The following MCMBP variants were observed in gnomAD, a reference collection of about 807,000 sequenced individuals.
MCMBP encodes the protein minichromosome maintenance complex binding protein, also known as mini-chromosome maintenance complex-binding protein.
A neutral mutation model predicts 81.3 loss-of-function variants in MCMBP; 31 were observed. That is an observed-to-expected ratio of 0.38 (90% confidence interval 0.29 to 0.51). MCMBP has a LOEUF of 0.51. Among genes scored for constraint, MCMBP ranks in the 20% least tolerant of loss-of-function variants. The pLI is 0.87. For synonymous variants in MCMBP, 267 were observed against 275.9 expected, an observed-to-expected ratio of 0.97 and a Z score of 0.32; for missense variants, 645 against 772.1, an observed-to-expected ratio of 0.84 and a Z score of 1.95.
chr10:119,872,731 G>T lies in MCMBP; in HGVS notation c.-147C>A. 1 of 240,882 alleles carries T rather than the reference G, an allele frequency of 4.2e-6. No homozygotes were observed. Among genetic ancestry groups the T allele is most frequent in the Non-Finnish European group, 7.2e-6 (1 of 138,516 alleles). The allele number at this position is 240,882 out of a possible 1,614,324, so 14.9% of individuals were successfully genotyped here. A position where few individuals can be genotyped will look rare whatever the true frequency, so the allele number is the denominator to read the frequency against. On this transcript the variant is annotated 5_prime_UTR_variant, in exon 1 of 16. Transcript: ENST00000369077. Reference sequence around the variant, plus strand: ...CGCCCTCCCACGCACAGCGAGCCGCGGGGCGCGGGCCTCCCGCGCCTCAGG... The same window carrying T: ...CGCCCTCCCACGCACAGCGAGCCGCTGGGCGCGGGCCTCCCGCGCCTCAGG...
chr10:119,834,981 A>T (rs1429040266), intron 14 of MCMBP, among the ~76,000 whole-genome samples: 2 of 151,956 alleles, frequency 1.3e-5, no homozygotes, highest in African/African-American at 4.8e-5. Flanking sequence ...AACCCACATG[A>T]GGAAATAAAG....
intron 14 of MCMBP, among the ~76,000 whole-genome samples, chr10:119,833,184 G>C (rs1852107719): frequency 6.6e-6 from 1 of 152,146 alleles, no homozygotes; most frequent in Non-Finnish European, 1.5e-5. Context: ...ACAGAGCAGA[G>C]ACTTCAGTGC....
intron 1 of MCMBP, 34 bp downstream of exon 1, chr10:119,872,493 C>T (rs1485222955): frequency 7.3e-6 from 7 of 962,006 alleles, no homozygotes; most frequent in South Asian, 4.8e-5. Context: ...AACTCGGCTG[C>T]CCGCCCGGCC....
chr10:119,860,904 T>A (rs1281200677), intron 1 of MCMBP, among the ~76,000 whole-genome samples: 1 of 152,242 alleles, frequency 6.6e-6, no homozygotes, highest in Non-Finnish European at 1.5e-5. Context: ...TCATTGGTGA[T>A]GTTAATTTTG....
chr10:119,873,547 A>C (rs1425979562), upstream of MCMBP: 1 of 152,242 alleles, frequency 6.6e-6, no homozygotes, highest in East Asian at 1.9e-4. Context: ...AGGCTCCTGC[A>C]CTGCGCGCCG....
intron 10 of MCMBP, 113 bp downstream of exon 10, chr10:119,842,359 C>G: frequency 8.2e-7 from 1 of 1,212,288 alleles, no homozygotes; most frequent in Non-Finnish European, 1.2e-6. Context: ...CAGATAAAAA[C>G]CATGTGATGA....
At chr10:119,853,454 A>G (rs1478148262) in intron 5 of MCMBP, among the ~76,000 whole-genome samples, 3 of 152,242 alleles carry the variant, frequency 2.0e-5, no homozygotes, top group Non-Finnish European at 4.4e-5. Flanking sequence ...AACAGGGAGC[A>G]TAAGGTTATG....
chr10:119,853,341 TG>T, intron 5 of MCMBP, 147 bp from the exon 6 acceptor site: 2 of 769,074 alleles, frequency 2.6e-6, no homozygotes, highest in South Asian at 3.8e-5. Flanking sequence ...CTTCCAGTTC[TG>T]GTCATGAGAA....
At position 119,835,586 on chromosome 10, in the gene MCMBP, G is replaced by A. The variant is rs1852211939; in HGVS notation, c.1661C>T (p.Thr554Ile). 1.2e-6 allele frequency: 2 copies of A among 1,614,030 alleles called. No individual in the cohort carries two copies. Among genetic ancestry groups the A allele is most frequent in the Non-Finnish European group, 1.7e-6 (2 of 1,179,994 alleles). The change falls in exon 14 of 16, where the codon ACT (threonine) becomes ATT (isoleucine). Residue 554 changes from threonine (T) to isoleucine (I), a missense_variant. Thr to Ile is a moderately conservative substitution (Grantham distance 89). Coordinates refer to ENST00000369077, the MANE Select transcript of MCMBP (RefSeq NM_001256378.2). ...GCTATATTCCAAGAATCTCAAAAGA[G>A]TTAGATAAATGCGGAATTTGTTCAG... ...SVLNKFRIYL[T>I]LLRFLEYSIS...
intron 12 of MCMBP, 94 bp from the exon 13 acceptor site, chr10:119,837,123 C>T: frequency 7.5e-7 from 1 of 1,326,878 alleles, no homozygotes; most frequent in Non-Finnish European, 1.0e-6. Flanking sequence ...GAAGTTTCTA[C>T]CACTTTTAAT....
At chr10:119,844,386 A>G (rs1852546091) in intron 8 of MCMBP, among the ~76,000 whole-genome samples, 1 of 152,356 alleles carries the variant, frequency 6.6e-6, no homozygotes, top group South Asian at 2.1e-4. Flanking sequence ...TAATACAAGC[A>G]TAATAACCTT....
At chr10:119,844,781 C>T (rs528094308) in intron 8 of MCMBP, among the ~76,000 whole-genome samples, 4 of 149,168 alleles carry the variant, frequency 2.7e-5, no homozygotes, top group African/African-American at 7.8e-5. Flanking sequence ...CTGAGTCTTC[C>T]GCCTCCACCT....
At chr10:119,865,460 T>C (rs61869121) in intron 1 of MCMBP, among the ~76,000 whole-genome samples, 24,870 of 152,134 alleles carry the variant, frequency 0.16, 2,223 homozygotes, top group South Asian at 0.44. Flanking sequence ...GGCTTGCTGG[T>C]GGTACCTGTA....
intron 1 of MCMBP, among the ~76,000 whole-genome samples, chr10:119,865,311 G>A (rs1196900287): frequency 6.6e-5 from 10 of 152,086 alleles, no homozygotes. Context: ...AACATTTTAG[G>A]CCAGGCGTAG....
At chr10:119,837,738 T>A (rs1254562132) in intron 12 of MCMBP, among the ~76,000 whole-genome samples, 1 of 151,930 alleles carries the variant, frequency 6.6e-6, no homozygotes. Context: ...GAGCCAAGAT[T>A]GGCCACTGCA....
intron 7 of MCMBP, among the ~76,000 whole-genome samples, chr10:119,848,168 A>T (rs975262361): frequency 1.1e-5 from 1 of 89,660 alleles, no homozygotes; most frequent in East Asian, 3.9e-4. Context: ...TCACAATTTA[A>T]AAAAAAAAAA....
rs767175708 is a variant in MCMBP at position 119,830,388 on chromosome 10, A to G, written c.*1086T>C. Reference sequence around the variant, plus strand: ...AAACTAATTGGTCTGGAGAAAACCTACCTGCAGTTGTACGAGGCTGTTACT... The same window carrying G: ...AAACTAATTGGTCTGGAGAAAACCTGCCTGCAGTTGTACGAGGCTGTTACT... On this transcript the variant is annotated 3_prime_UTR_variant, in exon 16 of 16. Coordinates refer to ENST00000369077, the MANE Select transcript of MCMBP (RefSeq NM_001256378.2). The G allele has an allele frequency of 4.6e-5, 7 of 152,206 alleles. No individual in the cohort carries two copies. Among genetic ancestry groups the G allele is most frequent in the Non-Finnish European group, 8.8e-5 (6 of 68,038 alleles). The allele number at this position is 152,206 out of a possible 1,614,324, so 9.4% of individuals were successfully genotyped here.
At chr10:119,856,086 G>A (rs901183188) in intron 5 of MCMBP, among the ~76,000 whole-genome samples, 5 of 152,156 alleles carry the variant, frequency 3.3e-5, no homozygotes, top group African/African-American at 9.7e-5. Context: ...GGCGGGCATG[G>A]TGGCGTGTGC....
At chr10:119,854,680 G>T (rs936814260) in intron 5 of MCMBP, among the ~76,000 whole-genome samples, 4 of 151,874 alleles carry the variant, frequency 2.6e-5, no homozygotes, top group Non-Finnish European at 5.9e-5. Context: ...TTGCTGGCCG[G>T]GCATAGTGGC....
Sources: gnomAD v4.1 joint callset for allele counts (sites outside exome capture counted in the v4.1 genomes callset) on GRCh38, gnomAD v4.1.1 for gene constraint, MANE v1.5 for transcripts, NCBI Gene and HGNC (gene_info 2026-07-23, HGNC 2026-07-21) for gene names.